Variants in KCNN1 observed in about 807,000 individuals in gnomAD.
KCNN1 encodes the protein potassium calcium-activated channel subfamily N member 1.
In KCNN1, 20 loss-of-function variants were observed where a neutral mutation model predicts 44.7. The ratio of observed to expected loss-of-function variants is 0.45; its 90% CI spans 0.32 to 0.65. The LOEUF (loss-of-function observed/expected upper bound fraction) is 0.65, where lower values mean the gene tolerates loss of function less well. Among genes scored for constraint, KCNN1 ranks in the 30% least tolerant of loss-of-function variants. The probability of loss-of-function intolerance (pLI) is 0.05; values close to 1 mark genes in which losing one functional copy is unlikely to be tolerated. For missense variants in KCNN1, 632 were observed against 785.3 expected, an observed-to-expected ratio of 0.80 and a Z score of 2.33; for synonymous variants, 324 against 341.7, an observed-to-expected ratio of 0.95 and a Z score of 0.57.
intron 1 of KCNN1, among the ~76,000 whole-genome samples, chr19:17,970,289 ATTTTTTTTTTTTTTTTTTTTTTTTTTTT>A (rs71164333): frequency 1.2e-3 from 66 of 56,932 alleles, no homozygotes; most frequent in African/African-American, 2.9e-3. Flanking sequence ...AGAAGGAATG[ATTTTTTTTTTTTTTTTTTTTTTTTTTTT>A]TTTTTTTTTT....
chr19:17,953,018 T>C (rs1290547785), intron 1 of KCNN1, among the ~76,000 whole-genome samples: 1 of 152,148 alleles, frequency 6.6e-6, no homozygotes, highest in Non-Finnish European at 1.5e-5. Context: ...CGTTTAACCC[T>C]GAGCGTGGGT....
At chr19:17,955,794 C>T (rs2031530141) in intron 2 of KCNN1, among the ~76,000 whole-genome samples, 1 of 150,402 alleles carries the variant, frequency 6.6e-6, no homozygotes. Context: ...CCGCCCCCGC[C>T]CCCCACACAC....
At chr19:17,996,166 C>CAAAAAAAA (rs757072562) in intron 9 of KCNN1, among the ~76,000 whole-genome samples, 2 of 92,118 alleles carry the variant, frequency 2.2e-5, no homozygotes, top group African/African-American at 4.5e-5. Context: ...TCCATTGCTA[C>CAAAAAAAA]AAAAAAAAAA....
At chr19:17,953,237 G>A (rs2031461578) in intron 1 of KCNN1, among the ~76,000 whole-genome samples, 1 of 152,168 alleles carries the variant, frequency 6.6e-6, no homozygotes, top group Non-Finnish European at 1.5e-5. Context: ...GGGGGAGGGG[G>A]CTTATAGATG....
rs368549804 is a variant in KCNN1 at position 17,983,618 on chromosome 19, G to A, written c.917+1491G>A. On this transcript the variant is annotated intron_variant, in intron 4 of 9. Coordinates refer to ENST00000684775, the MANE Select transcript of KCNN1 (RefSeq NM_001386974.1). This position sits in a 1 kb window ranked among gnomAD's most constrained non-coding sequence, Gnocchi z 4.5. ...GGGGGGTGGGGCACGGGGCAGGGCCGGCAGGCAGCCAATCCTAAATTCTGA... is the reference window on the plus strand; with the variant it reads ...GGGGGGTGGGGCACGGGGCAGGGCCAGCAGGCAGCCAATCCTAAATTCTGA... 6.6e-6 allele frequency among the ~76,000 whole-genome samples: 1 copy of A among 152,106 alleles called. No homozygotes were observed. The highest frequency in any genetic ancestry group is 1.5e-5 in the Non-Finnish European group (1 of 67,980).
chr19:17,985,504 C>T (rs961627018), intron 5 of KCNN1, 51 bp downstream of exon 5: 54 of 1,483,306 alleles, frequency 3.6e-5, no homozygotes, highest in African/African-American at 9.8e-5. Context: ...GCCAGCTGCC[C>T]GCTCCACCAG....
At chr19:17,952,970 C>A (rs1317055062) in intron 1 of KCNN1, among the ~76,000 whole-genome samples, 1 of 152,172 alleles carries the variant, frequency 6.6e-6, no homozygotes, top group Non-Finnish European at 1.5e-5. Flanking sequence ...CGGGACCCAG[C>A]TGGGGAGGTC....
In KCNN1 at chr19:17,967,168, C is replaced by A. The variant is rs2031841111; in HGVS notation, c.-231C>A. ...GCGGGGGATGCGCCTGCCGCCGCCG[C>A]CCCCGGCCCCGCCGCCCCCGGGCCC... On this transcript the variant is annotated 5_prime_UTR_variant, in exon 1 of 10. Coordinates refer to ENST00000684775, the MANE Select transcript of KCNN1 (RefSeq NM_001386974.1). 1.3e-5 allele frequency: 12 copies of A among 942,862 alleles called. No homozygotes were observed. Among genetic ancestry groups the A allele is most frequent in the Non-Finnish European group, 1.3e-5 (10 of 793,564 alleles). 58.4% of individuals were successfully genotyped at this position (942,862 alleles called of 1,614,324 possible). A position where few individuals can be genotyped will look rare whatever the true frequency, so the allele number is the denominator to read the frequency against.
rs1699529538 is a variant in KCNN1, at chr19:17,998,761, C to A, written c.*355C>A. 4.5e-6 allele frequency: 1 copy of A among 221,796 alleles called. No individual in the cohort carries two copies. The highest frequency in any genetic ancestry group is 8.8e-6 in the Non-Finnish European group (1 of 113,346). 13.7% of individuals were successfully genotyped at this position (221,796 alleles called of 1,614,324 possible). ...CACTGGTGATGTCCCAGGAGGTAGA[C>A]CTCCAGCCCTGGGTACCAAGATGAA... On this transcript the variant is annotated 3_prime_UTR_variant, in exon 10 of 10. Coordinates refer to ENST00000684775, the MANE Select transcript of KCNN1 (RefSeq NM_001386974.1). This position sits in a 1 kb window ranked among gnomAD's most constrained non-coding sequence, Gnocchi z 5.4.
rs112938357 is a variant in KCNN1, at chr19:17,970,945, G to A, written c.-81-2863G>A. ...GTTGCCCAGGCTGGAGTGCAGTGGC[G>A]TGATCTCAGCTCACTGCAGCCTCCA... On this transcript the variant is annotated intron_variant, in intron 1 of 9. Coordinates refer to ENST00000684775, the MANE Select transcript of KCNN1 (RefSeq NM_001386974.1). 1.9e-3 allele frequency among the ~76,000 whole-genome samples: 289 copies of A among 149,384 alleles called. 2 individuals are homozygous for A. The highest frequency in any genetic ancestry group is 6.7e-3 in the African/African-American group (272 of 40,504).
rs758827947 is a variant in KCNN1 at position 17,973,989 on chromosome 19, C to A, written c.101C>A (p.Pro34Gln). 13 of 1,580,316 alleles carry A rather than the reference C, an allele frequency of 8.2e-6. No individual in the cohort carries two copies. The highest frequency in any genetic ancestry group is 4.6e-5 in the South Asian group (4 of 87,896). The change falls in exon 2 of 10, where the codon CCA becomes CAA. Residue 34 changes from proline to glutamine, a missense_variant. Physicochemically the swap from Pro to Gln is moderately conservative, Grantham distance 76 (BLOSUM62 -1). Coordinates refer to ENST00000684775, the MANE Select transcript of KCNN1 (RefSeq NM_001386974.1). ...CCGGACCCTGAGGCCGGCCACCCCCCACAACCCCCGCACAGCCCGGGCCTC... is the reference window on the plus strand; with the variant it reads ...CCGGACCCTGAGGCCGGCCACCCCCAACAACCCCCGCACAGCCCGGGCCTC... ...DPPDPEAGHPPQPPHSPGLQV... is the reference protein window; with the variant it reads ...DPPDPEAGHPQQPPHSPGLQV...
intron 3 of KCNN1, among the ~76,000 whole-genome samples, chr19:17,975,641 G>A (rs1017794818): frequency 3.3e-5 from 5 of 151,682 alleles, no homozygotes; most frequent in African/African-American, 9.7e-5. Flanking sequence ...GGCTGGTCTC[G>A]AACTCCTGAC....
chr19:17,988,057 A>C (rs2145961310), intron 5 of KCNN1, among the ~76,000 whole-genome samples: 1 of 146,502 alleles, frequency 6.8e-6, no homozygotes. Flanking sequence ...CAGGAGGCTG[A>C]GGCAGGAGAA....
At chr19:17,962,903 A>G (rs1371136404), upstream of KCNN1, among the ~76,000 whole-genome samples, 3 of 146,208 alleles carry the variant, frequency 2.1e-5, no homozygotes, top group Admixed American at 6.9e-5. Flanking sequence ...GGGTTTCACT[A>G]TGTTGGCCAG....
At position 17,974,114 on chromosome 19, in the gene KCNN1, G is replaced by T; in HGVS notation, c.226G>T (p.Glu76Ter). The T allele has an allele frequency of 6.2e-7, 1 of 1,612,634 alleles. No homozygotes were observed. The change falls in exon 2 of 10, where the codon GAG (glutamate) becomes TAG (stop). Residue 76 changes from glutamate (E) to a stop codon, truncating the protein, a stop_gained. Coordinates refer to ENST00000684775, the MANE Select transcript of KCNN1 (RefSeq NM_001386974.1). LOFTEE classifies it high-confidence loss of function. The surrounding 1 kb of genome is among the most constrained non-coding windows in gnomAD (Gnocchi z 7.3). ...CGATGACGAGGATGATGAGGAAGAT[G>T]AGGCCGGCAGGCAGAGAGCCTCGGG... ...QDDDEDDEED[E>*]AGRQRASGKP... is the part of the protein sequence containing the mutation.
At chr19:17,957,712 C>A (rs1272937247) in intron 2 of KCNN1, among the ~76,000 whole-genome samples, 1 of 152,072 alleles carries the variant, frequency 6.6e-6, no homozygotes. Context: ...CTACAAGGAA[C>A]TCAGCGGCTG....
At chr19:17,966,008 C>G (rs1468266176), upstream of KCNN1, among the ~76,000 whole-genome samples, 3 of 114,542 alleles carry the variant, frequency 2.6e-5, no homozygotes, top group Non-Finnish European at 5.5e-5. Context: ...TGCCTGCCTG[C>G]CTGCCTGCCT....
Position 17,998,439 on chromosome 19 carries a change from G to C in KCNN1, c.*33G>C. 1 of 1,456,140 alleles carries C rather than the reference G, an allele frequency of 6.9e-7. No individual in the cohort carries two copies. The highest frequency in any genetic ancestry group is 2.4e-5 in the East Asian group (1 of 41,108). The allele number at this position is 1,456,140 out of a possible 1,614,324, so 90.2% of individuals were successfully genotyped here. A position where few individuals can be genotyped will look rare whatever the true frequency, so the allele number is the denominator to read the frequency against. ...GCCCGCCACCAGACCCCTAAATCTT[G>C]GCCATCGTGTGGCCGCCACCTCCGG... is the stretch of plus-strand genomic sequence containing the variant. On this transcript the variant is annotated 3_prime_UTR_variant, in exon 10 of 10. Coordinates refer to ENST00000684775, the MANE Select transcript of KCNN1 (RefSeq NM_001386974.1). This position sits in a 1 kb window ranked among gnomAD's most constrained non-coding sequence, Gnocchi z 5.4.
At chr19:17,987,387 G>A (rs1026201975) in intron 5 of KCNN1, among the ~76,000 whole-genome samples, 2 of 152,196 alleles carry the variant, frequency 1.3e-5, no homozygotes, top group African/African-American at 4.8e-5. Flanking sequence ...TGGGATTACA[G>A]GTGCAAGCCA....
Sources: allele counts gnomAD v4.1 joint callset (sites outside exome capture counted in the v4.1 genomes callset), GRCh38; gene constraint gnomAD v4.1.1; non-coding constraint Gnocchi (gnomAD v3.1); transcripts MANE v1.5; gene names NCBI Gene and HGNC (gene_info 2026-07-23, HGNC 2026-07-21).